RAVER2: variants seen among roughly 807,000 people sequenced by gnomAD.
RAVER2 encodes the protein ribonucleoprotein PTB-binding 2.
In RAVER2, 46 loss-of-function variants were observed where a neutral mutation model predicts 78.1. The observed-to-expected ratio is 0.59, with a 90% CI of 0.46 to 0.75. The LOEUF (loss-of-function observed/expected upper bound fraction) is 0.75. Among genes scored for constraint, RAVER2 ranks in the 30% least tolerant of loss-of-function variants. The pLI is 0.00. For synonymous variants in RAVER2, 311 were observed against 313.3 expected (o/e 0.99, Z 0.08); for missense variants, 793 against 837.5 (o/e 0.95, Z 0.66).
At chr1:64,804,785 A>G (rs781165029) in exon 7 of RAVER2, 1 of 1,552,420 alleles carries the variant, frequency 6.4e-7, no homozygotes, top group Non-Finnish European at 8.9e-7. Flanking sequence ...TCTTTCTCAT[A>G]TACCACTGGC....
At position 64,760,087 on chromosome 1, in the gene RAVER2, TG is replaced by T. The variant is rs1651979158; in HGVS notation, c.250-8568del. Among the ~76,000 whole-genome samples the T allele has an allele frequency of 8.1e-5, 12 of 148,620 alleles. No homozygotes were observed. The South Asian group carries it at 2.5e-3, about 32-fold the overall frequency. ...CAGTTAAAATATGGATGATAGCTGCTGTAAGGGTTGTGATGTGGAAAAAAAA... is the reference window on the plus strand; with the variant it reads ...CAGTTAAAATATGGATGATAGCTGCTTAAGGGTTGTGATGTGGAAAAAAAA... On this transcript the variant is annotated intron_variant, in intron 1 of 11. Transcript: ENST00000294428.
chr1:64,772,956 T>G (rs1174853188), intron 2 of RAVER2, among the ~76,000 whole-genome samples: 1 of 152,120 alleles, frequency 6.6e-6, no homozygotes, highest in African/African-American at 2.4e-5. Flanking sequence ...CAATTAAACT[T>G]CTGTTTTTTA....
chr1:64,810,747 T>C (rs1653580825), intron 9 of RAVER2, among the ~76,000 whole-genome samples: 1 of 152,196 alleles, frequency 6.6e-6, no homozygotes, highest in Non-Finnish European at 1.5e-5. Context: ...TCTATTAAAG[T>C]TTCTGCCCAT....
At chr1:64,824,112 T>C (rs1455422276) in intron 11 of RAVER2, among the ~76,000 whole-genome samples, 1 of 152,114 alleles carries the variant, frequency 6.6e-6, no homozygotes, top group Non-Finnish European at 1.5e-5. Flanking sequence ...CGGCCTGATT[T>C]TTGTTTTTCA....
At chr1:64,803,353 C>T (rs902214053) in intron 6 of RAVER2, among the ~76,000 whole-genome samples, 7 of 151,908 alleles carry the variant, frequency 4.6e-5, no homozygotes, top group Non-Finnish European at 8.8e-5. Flanking sequence ...GTTCAAGACA[C>T]GGCTTCTTAT....
intron 4 of RAVER2, among the ~76,000 whole-genome samples, 180 bp from the exon 5 acceptor site, chr1:64,789,208 C>G (rs1295479586): frequency 6.6e-6 from 1 of 151,896 alleles, no homozygotes; most frequent in Non-Finnish European, 1.5e-5. Context: ...GGATTTTATG[C>G]CATATGTATA....
chr1:64,817,950 G>A (rs1469775485), intron 11 of RAVER2, among the ~76,000 whole-genome samples: 1 of 152,076 alleles, frequency 6.6e-6, no homozygotes, highest in African/African-American at 2.4e-5. Context: ...TTATACAAAT[G>A]GAGAAGGGAT....
At position 64,756,850 on chromosome 1, in the gene RAVER2, CTT is replaced by C. The variant is rs1259166264; in HGVS notation, c.249+11432_249+11433del. Among the ~76,000 whole-genome samples, 3 of 152,204 alleles carry C rather than the reference CTT, an allele frequency of 2.0e-5. No individual in the cohort carries two copies. In the East Asian group the frequency reaches 5.8e-4, roughly 29 times the overall value. ...GACCCTGATGGTTTTGTTTGGGTAT[CTT>C]TTAGAATGTCTCTTAATTTGGGTTT... is the stretch of plus-strand genomic sequence containing the variant. On this transcript the variant is annotated intron_variant, in intron 1 of 11. Transcript: ENST00000294428.
At chr1:64,798,738 A>G (rs1294843619) in intron 5 of RAVER2, among the ~76,000 whole-genome samples, 1 of 152,128 alleles carries the variant, frequency 6.6e-6, no homozygotes, top group Non-Finnish European at 1.5e-5. Flanking sequence ...TTTGTACTTC[A>G]ACTACAGAAT....
Position 64,797,660 on chromosome 1 carries a change from A to G in RAVER2, c.1106-5316A>G, listed in dbSNP as rs1030957627. The stretch of plus-strand genomic sequence containing the variant: ...CTCTTGATTAATTGGCCCATTTATC[A>G]TTACAAAATGGTGATCTTTATCCCT... On this transcript the variant is annotated intron_variant, in intron 5 of 11. Coordinates refer to ENST00000294428, the Ensembl canonical transcript of RAVER2. 5.3e-5 allele frequency among the ~76,000 whole-genome samples: 8 copies of G among 152,190 alleles called. No homozygotes were observed. In the South Asian group the frequency reaches 6.2e-4, roughly 12 times the overall value.
intron 1 of RAVER2, among the ~76,000 whole-genome samples, chr1:64,767,912 A>T (rs902250956): frequency 2.0e-5 from 3 of 151,396 alleles, no homozygotes; most frequent in Admixed American, 1.3e-4. Flanking sequence ...AGGTTGTGCT[A>T]TCAGAAAAAA....
chr1:64,778,291 G>A (rs1202547257), intron 3 of RAVER2, among the ~76,000 whole-genome samples, 199 bp downstream of exon 3: 1 of 152,036 alleles, frequency 6.6e-6, no homozygotes, highest in South Asian at 2.1e-4. Flanking sequence ...ATGTTGTTAT[G>A]TAGTTAAGTA....
intron 4 of RAVER2, among the ~76,000 whole-genome samples, chr1:64,784,285 G>A (rs1486405521): frequency 6.6e-6 from 1 of 152,150 alleles, no homozygotes; most frequent in African/African-American, 2.4e-5. Flanking sequence ...GCTGAGGTGG[G>A]AGAATAACCC....
chr1:64,807,765 T>C (rs764037865), intron 9 of RAVER2, among the ~76,000 whole-genome samples: 13 of 152,188 alleles, frequency 8.5e-5, no homozygotes, highest in Non-Finnish European at 1.8e-4. Flanking sequence ...GAGTTACGTC[T>C]CTTATAAATA....
chr1:64,817,145 A>T, intron 11 of RAVER2, among the ~76,000 whole-genome samples: 1 of 152,236 alleles, frequency 6.6e-6, no homozygotes, highest in Non-Finnish European at 1.5e-5. Flanking sequence ...CAACAGACAC[A>T]TGAAAAAATG....
intron 5 of RAVER2, among the ~76,000 whole-genome samples, chr1:64,797,838 G>A (rs1653136798): frequency 6.6e-6 from 1 of 151,478 alleles, no homozygotes; most frequent in Non-Finnish European, 1.5e-5. Context: ...TATTATCTTG[G>A]AAAATCCTTT....
chr1:64,812,100 C>A (rs1401447362), intron 9 of RAVER2, among the ~76,000 whole-genome samples: 1 of 151,876 alleles, frequency 6.6e-6, no homozygotes, highest in African/African-American at 2.4e-5. Flanking sequence ...AATCTCAACA[C>A]TTTGGTGTTG....
intron 2 of RAVER2, among the ~76,000 whole-genome samples, 158 bp downstream of exon 2, chr1:64,768,880 A>T (rs1652244164): frequency 1.3e-5 from 2 of 152,002 alleles, no homozygotes; most frequent in African/African-American, 4.8e-5. Flanking sequence ...TTCTGAAGGT[A>T]ATATTGGTAT....
chr1:64,787,547 G>GT (rs1307380322), intron 4 of RAVER2, among the ~76,000 whole-genome samples: 2 of 152,280 alleles, frequency 1.3e-5, no homozygotes, highest in East Asian at 3.9e-4. Context: ...TTCCTCTGCT[G>GT]TAACTCTTCT....
Sources: allele counts gnomAD v4.1 joint callset (sites outside exome capture counted in the v4.1 genomes callset), GRCh38; gene constraint gnomAD v4.1.1; transcripts MANE v1.5; gene names NCBI Gene and HGNC (gene_info 2026-07-23, HGNC 2026-07-21).